ZNRF1: variants seen among roughly 807,000 people sequenced by gnomAD.
ZNRF1 encodes E3 ubiquitin-protein ligase ZNRF1.
ZNRF1 carries 3 observed loss-of-function variants against 18.4 expected under a neutral mutation model. The observed-to-expected ratio is 0.16, with a 90% CI of 0.07 to 0.42. ZNRF1 has a LOEUF of 0.42. Among genes scored for constraint, ZNRF1 ranks in the 10% least tolerant of loss-of-function variants. The pLI, the probability that ZNRF1 is intolerant of heterozygous loss-of-function variation, is 0.99. For missense variants in ZNRF1, 310 were observed against 329.8 expected, an observed-to-expected ratio of 0.94 and a Z score of 0.47; for synonymous variants, 157 against 144.2, an observed-to-expected ratio of 1.09 and a Z score of -0.64.
At chr16:75,016,591 A>C (rs1431198812) in intron 1 of ZNRF1, among the ~76,000 whole-genome samples, 1 of 151,576 alleles carries the variant, frequency 6.6e-6, no homozygotes, top group Admixed American at 6.6e-5. Context: ...GCCGGAGTGC[A>C]GTGGCCTGAT....
chr16:75,084,150 G>A (rs2036047847), intron 1 of ZNRF1, among the ~76,000 whole-genome samples: 1 of 152,206 alleles, frequency 6.6e-6, no homozygotes, highest in South Asian at 2.1e-4. Context: ...CCGCTTGGGT[G>A]TGTGCACGTT....
chr16:75,069,515 G>A (rs4429319), intron 1 of ZNRF1, among the ~76,000 whole-genome samples: 11,246 of 152,234 alleles, frequency 0.074, 442 homozygotes, highest in East Asian at 0.14. Flanking sequence ...CTGGGTTCAA[G>A]CAATTCTTCT....
intron 1 of ZNRF1, among the ~76,000 whole-genome samples, chr16:75,039,352 A>G: frequency 6.6e-6 from 1 of 152,108 alleles, no homozygotes; most frequent in Non-Finnish European, 1.5e-5. Context: ...AAATTGCTTT[A>G]TTTAGGGAGG....
chr16:75,081,090 G>A (rs1330162445), intron 1 of ZNRF1, among the ~76,000 whole-genome samples: 2 of 151,074 alleles, frequency 1.3e-5, no homozygotes, highest in African/African-American at 2.4e-5. Flanking sequence ...GGAGAATGGC[G>A]TGAACCCGGG....
intron 1 of ZNRF1, among the ~76,000 whole-genome samples, chr16:75,065,059 C>G (rs1395330954): frequency 2.6e-5 from 4 of 152,206 alleles, no homozygotes; most frequent in Non-Finnish European, 4.4e-5. Context: ...CTCAGCAACT[C>G]GTGTGCTTTC....
intron 2 of ZNRF1, among the ~76,000 whole-genome samples, chr16:75,096,863 C>T (rs1030865976): frequency 6.6e-6 from 1 of 152,126 alleles, no homozygotes; most frequent in Non-Finnish European, 1.5e-5. Flanking sequence ...AAAAACACAA[C>T]TTAGGAAAGG....
rs1469864347 is a variant in ZNRF1, at chr16:75,109,793, C to G, written c.*2093C>G. On this transcript the variant is annotated 3_prime_UTR_variant, in exon 5 of 5. Transcript: ENST00000335325. ...CCCTGTGGGGGCTGGGGGAGCTGCC[C>G]TGCAGGTCTTGGCACATGCACAGCA... 5.9e-5 allele frequency: 9 copies of G among 152,308 alleles called. No homozygotes were observed. Among genetic ancestry groups the G allele is most frequent in the African/African-American group, 1.9e-4 (8 of 41,472 alleles). 9.4% of individuals were successfully genotyped at this position (152,308 alleles called of 1,614,324 possible).
chr16:75,029,485 G>A (rs529710330), intron 1 of ZNRF1, among the ~76,000 whole-genome samples: 1 of 152,224 alleles, frequency 6.6e-6, no homozygotes, highest in Non-Finnish European at 1.5e-5. Context: ...AACTATTATT[G>A]GCTGGACTCA....
At chr16:75,021,790 C>T (rs564745569) in intron 1 of ZNRF1, among the ~76,000 whole-genome samples, 21 of 152,092 alleles carry the variant, frequency 1.4e-4, no homozygotes, top group Non-Finnish European at 2.2e-4. Flanking sequence ...TCATATGTTC[C>T]GGATTTAATT....
At chr16:75,051,594 T>G (rs942221845) in intron 1 of ZNRF1, among the ~76,000 whole-genome samples, 2 of 151,612 alleles carry the variant, frequency 1.3e-5, no homozygotes, top group Admixed American at 6.6e-5. Flanking sequence ...CTCGGCTCAC[T>G]GCAATCTCTA....
chr16:75,071,098 C>CTT lies in ZNRF1; in HGVS notation c.425-22461_425-22460dup, dbSNP rs56690008. Among the ~76,000 whole-genome samples, 395 of 143,346 alleles carry CTT rather than the reference C, an allele frequency of 2.8e-3. 3 individuals carry two copies. The highest frequency in any genetic ancestry group is 8.2e-3 in the East Asian group (40 of 4,892). The allele number at this position is 143,346 out of a possible 152,430, so 94.0% of individuals were successfully genotyped here. A position where few individuals can be genotyped will look rare whatever the true frequency, so the allele number is the denominator to read the frequency against. On this transcript the variant is annotated intron_variant, in intron 1 of 4. Coordinates refer to ENST00000335325, the MANE Select transcript of ZNRF1 (RefSeq NM_032268.5). ...AAACTAGAAGGTCAGGCACAGGTGT[C>CTT]TTTTTTTTTTTTTTCTTTTGAGACT...
At chr16:75,017,350 A>G (rs2035086314) in intron 1 of ZNRF1, among the ~76,000 whole-genome samples, 1 of 152,220 alleles carries the variant, frequency 6.6e-6, no homozygotes, top group Admixed American at 6.5e-5. Flanking sequence ...TTACAGATAT[A>G]AAAATAAAAA....
At chr16:75,045,227 A>C (rs910137657) in intron 1 of ZNRF1, among the ~76,000 whole-genome samples, 2 of 152,202 alleles carry the variant, frequency 1.3e-5, no homozygotes, top group African/African-American at 4.8e-5. Flanking sequence ...CCAGGACCAG[A>C]ATAACCCTGG....
intron 2 of ZNRF1, chr16:75,104,347 G>A (rs1484350340): frequency 6.4e-6 from 1 of 157,452 alleles, no homozygotes; most frequent in Non-Finnish European, 1.4e-5. Flanking sequence ...TTTTCTTGGG[G>A]ACCTGTTTCT....
intron 1 of ZNRF1, among the ~76,000 whole-genome samples, chr16:75,025,876 G>T (rs1016148351): frequency 4.6e-5 from 7 of 152,136 alleles, no homozygotes; most frequent in South Asian, 2.1e-4. Context: ...ACCAGGCAGT[G>T]GGGGGACGGG....
intron 1 of ZNRF1, among the ~76,000 whole-genome samples, chr16:75,016,662 A>C (rs1170672913): frequency 1.4e-5 from 2 of 147,534 alleles, no homozygotes; most frequent in Non-Finnish European, 3.0e-5. Context: ...TAGCCTCCAG[A>C]GTAGCTGGGA....
chr16:75,013,349 A>ATTT, intron 1 of ZNRF1, among the ~76,000 whole-genome samples: 1 of 144,154 alleles, frequency 6.9e-6, no homozygotes. Context: ...TGTCCATTCA[A>ATTT]TTTTTTTTTT....
chr16:75,015,425 A>G (rs2035053119), intron 1 of ZNRF1, among the ~76,000 whole-genome samples: 1 of 152,218 alleles, frequency 6.6e-6, no homozygotes, highest in African/African-American at 2.4e-5. Context: ...AAAATACAAA[A>G]TGAGCTGGGC....
At chr16:75,005,676 A>G (rs1483550542) in intron 1 of ZNRF1, among the ~76,000 whole-genome samples, 1 of 152,240 alleles carries the variant, frequency 6.6e-6, no homozygotes, top group Non-Finnish European at 1.5e-5. Flanking sequence ...CTGTATATAC[A>G]TACCTTTGAT....
Sources: allele counts gnomAD v4.1 joint callset (sites outside exome capture counted in the v4.1 genomes callset), GRCh38; gene constraint gnomAD v4.1.1; transcripts MANE v1.5; gene names NCBI Gene and HGNC (gene_info 2026-07-23, HGNC 2026-07-21).